The following CSMD3 variants were observed in gnomAD, a reference collection of about 807,000 sequenced individuals.
CSMD3 encodes CUB and Sushi multiple domains 3, also known as CUB and sushi domain-containing protein 3.
Under a neutral mutation model 435.2 loss-of-function variants are expected in CSMD3, and 177 were observed. The ratio of observed to expected loss-of-function variants is 0.41; its 90% CI spans 0.36 to 0.46. The LOEUF is 0.46. Among genes scored for constraint, CSMD3 ranks in the 20% least tolerant of loss-of-function variants. The pLI is 0.34. For missense variants in CSMD3, 4,265 were observed against 4,504.6 expected, an observed-to-expected ratio of 0.95 and a Z score of 1.52; for synonymous variants, 1,656 against 1,520.5, an observed-to-expected ratio of 1.09 and a Z score of -2.07.
chr8:112,254,077 AT>A (rs902587939), intron 63 of CSMD3, among the ~76,000 whole-genome samples, 175 bp downstream of exon 63: 8 of 151,488 alleles, frequency 5.3e-5, no homozygotes, highest in East Asian at 1.9e-4. Flanking sequence ...TATTAAAAAA[AT>A]TTTTTTTTCT....
chr8:113,328,098 G>C (rs1033069938), intron 1 of CSMD3, among the ~76,000 whole-genome samples: 34 of 148,674 alleles, frequency 2.3e-4, no homozygotes, highest in African/African-American at 4.9e-4. Flanking sequence ...GACACACACA[G>C]ACACACACAC....
At chr8:112,554,193 G>A (rs1827923889) in intron 25 of CSMD3, among the ~76,000 whole-genome samples, 1 of 151,904 alleles carries the variant, frequency 6.6e-6, no homozygotes, top group Non-Finnish European at 1.5e-5. Context: ...GGAAGACAGA[G>A]AGAGAGAGAC....
chr8:112,547,385 CA>C (rs942936448), intron 27 of CSMD3, among the ~76,000 whole-genome samples: 24 of 145,610 alleles, frequency 1.6e-4, no homozygotes, highest in African/African-American at 3.8e-4. Context: ...CTCATCTGTA[CA>C]AAAAAAAAAT....
In CSMD3 at chr8:112,932,548, G is replaced by A. The variant is rs149631849; in HGVS notation, c.1509-10797C>T. ...GGCTACTTGGGAGGCTGAGGCAGAA[G>A]AATGGCATGAACCCAGAAGGCGGAG... On this transcript the variant is annotated intron_variant, in intron 9 of 70. Coordinates refer to ENST00000297405, the MANE Select transcript of CSMD3 (RefSeq NM_198123.2). 3.8e-3 allele frequency among the ~76,000 whole-genome samples: 580 copies of A among 152,182 alleles called. 6 individuals are homozygous for A. Among genetic ancestry groups the A allele is most frequent in the African/African-American group, 0.013 (539 of 41,524 alleles).
At chr8:113,108,473 T>C (rs907429761) in intron 4 of CSMD3, among the ~76,000 whole-genome samples, 5 of 151,058 alleles carry the variant, frequency 3.3e-5, no homozygotes, top group African/African-American at 7.3e-5. Flanking sequence ...AATAACATAA[T>C]TGGAAAATCT....
intron 38 of CSMD3, among the ~76,000 whole-genome samples, chr8:112,372,855 T>C (rs1413082817): frequency 7.0e-6 from 1 of 142,514 alleles, no homozygotes; most frequent in Non-Finnish European, 1.5e-5. Context: ...TCTCCAAAAA[T>C]AGAAAAAAAA....
chr8:113,263,742 T>A (rs540808228), intron 3 of CSMD3, among the ~76,000 whole-genome samples: 7 of 151,940 alleles, frequency 4.6e-5, no homozygotes, highest in African/African-American at 1.7e-4. Flanking sequence ...CTAGATAAAA[T>A]CAACATATGA....
chr8:113,038,127 C>T (rs2087438500), intron 5 of CSMD3, among the ~76,000 whole-genome samples: 2 of 151,958 alleles, frequency 1.3e-5, no homozygotes, highest in African/African-American at 4.8e-5. Context: ...AGGGCAGGAA[C>T]AGAGAATGAG....
chr8:112,760,333 T>C (rs965378147), intron 13 of CSMD3, among the ~76,000 whole-genome samples: 1 of 152,176 alleles, frequency 6.6e-6, no homozygotes, highest in African/African-American at 2.4e-5. Flanking sequence ...TTTGTAAAGA[T>C]AGACCCAGAT....
rs746649192 is a variant in CSMD3 at position 112,409,049 on chromosome 8, C to G, written c.5396-17G>C. The G allele has an allele frequency of 6.2e-7, 1 of 1,612,714 alleles. No individual in the cohort carries two copies. The highest frequency in any genetic ancestry group is 8.5e-7 in the Non-Finnish European group (1 of 1,179,372). ...CAAACACCACTGATCAACAGGAACCCGGAGAAGCAAACAAATCACCAACCA... is the reference window on the plus strand; with the variant it reads ...CAAACACCACTGATCAACAGGAACCGGGAGAAGCAAACAAATCACCAACCA... On this transcript the variant is annotated splice_polypyrimidine_tract_variant and intron_variant, in intron 32 of 70. Transcript: ENST00000297405.
At chr8:112,497,774 T>C (rs1234554017) in intron 30 of CSMD3, among the ~76,000 whole-genome samples, 1 of 151,992 alleles carries the variant, frequency 6.6e-6, no homozygotes, top group Admixed American at 6.6e-5. Flanking sequence ...CTTAAGAAAC[T>C]GGACAATTAC....
At chr8:112,752,383 A>C (rs369556055) in intron 13 of CSMD3, among the ~76,000 whole-genome samples, 6 of 152,172 alleles carry the variant, frequency 3.9e-5, no homozygotes, top group Non-Finnish European at 8.8e-5. Flanking sequence ...TCTGCTGAAC[A>C]ACCCCCAAAT....
intron 70 of CSMD3, among the ~76,000 whole-genome samples, chr8:112,227,236 A>C (rs1394018175): frequency 1.3e-5 from 2 of 152,222 alleles, no homozygotes; most frequent in Admixed American, 6.5e-5. Flanking sequence ...TAGCCATATA[A>C]GAGAATGAAG....
intron 4 of CSMD3, among the ~76,000 whole-genome samples, chr8:113,148,988 T>G (rs114643231): frequency 2.6e-5 from 4 of 151,768 alleles, no homozygotes; most frequent in African/African-American, 9.6e-5. Flanking sequence ...TATGTGAATA[T>G]CTGCAAGAGA....
chr8:113,028,127 A>G (rs2086946155), intron 5 of CSMD3, among the ~76,000 whole-genome samples: 1 of 152,080 alleles, frequency 6.6e-6, no homozygotes, highest in Non-Finnish European at 1.5e-5. Context: ...TCATCTCTCC[A>G]TGTCACATTT....
At chr8:112,443,490 CAAGAA>C (rs561036962) in intron 32 of CSMD3, among the ~76,000 whole-genome samples, 174 of 152,192 alleles carry the variant, frequency 1.1e-3, no homozygotes, top group Admixed American at 4.0e-3. Context: ...AAAATGTCCA[CAAGAA>C]AAGAGTAAAA....
chr8:112,849,563 G>A (rs1465685718), intron 11 of CSMD3, among the ~76,000 whole-genome samples: 1 of 151,836 alleles, frequency 6.6e-6, no homozygotes, highest in Non-Finnish European at 1.5e-5. Flanking sequence ...TCTCCAACCA[G>A]ATATGGATAA....
chr8:113,224,551 T>G (rs913977776), intron 3 of CSMD3, among the ~76,000 whole-genome samples: 6 of 151,440 alleles, frequency 4.0e-5, no homozygotes, highest in African/African-American at 1.2e-4. Context: ...TAGCAATATA[T>G]TTTTAACTTA....
chr8:112,854,102 A>G (rs2080577370), intron 11 of CSMD3, among the ~76,000 whole-genome samples: 1 of 152,184 alleles, frequency 6.6e-6, no homozygotes, highest in Non-Finnish European at 1.5e-5. Flanking sequence ...TTGCTTCTTC[A>G]TTAATTTTTA....
Sources: allele counts gnomAD v4.1 joint callset (sites outside exome capture counted in the v4.1 genomes callset), GRCh38; gene constraint gnomAD v4.1.1; transcripts MANE v1.5; gene names NCBI Gene and HGNC (gene_info 2026-07-23, HGNC 2026-07-21).